PTPRG: variants seen among roughly 807,000 people sequenced by gnomAD.
The protein encoded by PTPRG is protein tyrosine phosphatase receptor type G.
Under a neutral mutation model 165.3 loss-of-function variants are expected in PTPRG, and 102 were observed. The ratio of observed to expected loss-of-function variants is 0.62; its 90% confidence interval spans 0.53 to 0.73. PTPRG has a LOEUF of 0.73. PTPRG is among the 30% of genes least tolerant of loss of function. The pLI, the probability that PTPRG is intolerant of heterozygous loss-of-function variation, is 0.00. For missense variants in PTPRG, 1,866 were observed against 1,861.4 expected, an observed-to-expected ratio of 1.00 and a Z score of -0.05; for synonymous variants, 675 against 669.5, an observed-to-expected ratio of 1.01 and a Z score of -0.13.
intron 2 of PTPRG, among the ~76,000 whole-genome samples, chr3:61,976,310 G>A (rs2040504201): frequency 6.6e-6 from 1 of 152,146 alleles, no homozygotes. Context: ...CAAAGGAGAT[G>A]GATTTATTAA....
chr3:61,646,597 A>G (rs530277469), intron 1 of PTPRG, among the ~76,000 whole-genome samples: 141 of 152,370 alleles, frequency 9.3e-4, no homozygotes, highest in African/African-American at 3.3e-3. Flanking sequence ...AACTGACATT[A>G]TCAATTCACA....
intron 5 of PTPRG, among the ~76,000 whole-genome samples, chr3:62,089,732 G>A (rs1453647149): frequency 6.6e-6 from 1 of 152,170 alleles, no homozygotes; most frequent in African/African-American, 2.4e-5. Flanking sequence ...TTGGCTCATT[G>A]TGTTCTCTGA....
intron 2 of PTPRG, among the ~76,000 whole-genome samples, chr3:61,752,785 C>CA (rs749817659): frequency 0.47 from 32,786 of 69,522 alleles, 7,649 homozygotes; most frequent in Non-Finnish European, 0.53. Context: ...AAGACTGTCT[C>CA]AAAAAAAAAA....
At chr3:61,863,884 G>C (rs621198) in intron 2 of PTPRG, among the ~76,000 whole-genome samples, 63,625 of 152,046 alleles carry the variant, frequency 0.42, 14,162 homozygotes, top group East Asian at 0.61. Flanking sequence ...TAGTATGAAC[G>C]TCAGTGTTGT....
At chr3:61,978,135 A>C (rs1028846494) in intron 2 of PTPRG, among the ~76,000 whole-genome samples, 1 of 152,194 alleles carries the variant, frequency 6.6e-6, no homozygotes, top group Non-Finnish European at 1.5e-5. Context: ...TACAAGTGTA[A>C]GCCACCATGC....
chr3:62,104,040 A>G (rs1702387768), intron 5 of PTPRG, among the ~76,000 whole-genome samples: 1 of 152,196 alleles, frequency 6.6e-6, no homozygotes, highest in South Asian at 2.1e-4. Flanking sequence ...CTCAGGGTCT[A>G]GAGTATTAGG....
At chr3:62,068,197 G>A (rs764634394) in intron 4 of PTPRG, among the ~76,000 whole-genome samples, 2 of 152,300 alleles carry the variant, frequency 1.3e-5, no homozygotes, top group Non-Finnish European at 2.9e-5. Context: ...ATTAATTGAT[G>A]TAAAACGTTC....
In PTPRG at chr3:61,795,766, T is replaced by A. The variant is rs565400261; in HGVS notation, c.190+46784T>A. Among the ~76,000 whole-genome samples the A allele has an allele frequency of 1.3e-4, 20 of 152,256 alleles. 2 individuals carry two copies. The South Asian group carries it at 4.1e-3, about 32-fold the overall frequency. ...CTTAGTATATACCGGCTATTTTTAT[T>A]ATTTTTAAGGCTATTGATTACTAGT... On this transcript the variant is annotated intron_variant, in intron 2 of 29. Transcript: ENST00000474889.
intron 17 of PTPRG, 168 bp downstream of exon 17, chr3:62,263,062 T>C: frequency 1.8e-6 from 1 of 565,938 alleles, no homozygotes; most frequent in Non-Finnish European, 3.1e-6. Flanking sequence ...GGACATTTTC[T>C]TCCCCCTTAG....
intron 2 of PTPRG, among the ~76,000 whole-genome samples, chr3:61,760,756 C>T (rs543110924): frequency 1.1e-4 from 17 of 152,204 alleles, no homozygotes; most frequent in South Asian, 4.1e-4. Flanking sequence ...TGCTCTCCCT[C>T]GCCCCTCCCT....
intron 2 of PTPRG, among the ~76,000 whole-genome samples, chr3:61,896,878 A>C (rs1251420199): frequency 5.3e-5 from 8 of 151,112 alleles, no homozygotes; most frequent in Admixed American, 5.3e-4. Context: ...TTGGTGAACT[A>C]TTCGTGTCTT....
chr3:61,712,994 C>A (rs1182251284), intron 1 of PTPRG, among the ~76,000 whole-genome samples: 1 of 152,050 alleles, frequency 6.6e-6, no homozygotes, highest in Non-Finnish European at 1.5e-5. Context: ...TAGTAACATA[C>A]CAACTTCAGG....
At chr3:62,131,788 C>T (rs796327182) in intron 5 of PTPRG, among the ~76,000 whole-genome samples, 8 of 152,270 alleles carry the variant, frequency 5.3e-5, no homozygotes, top group African/African-American at 1.9e-4. Flanking sequence ...GGCATGTATA[C>T]CCCGCTCACT....
At chr3:61,892,407 G>T (rs751324565) in intron 2 of PTPRG, among the ~76,000 whole-genome samples, 1 of 152,162 alleles carries the variant, frequency 6.6e-6, no homozygotes, top group Non-Finnish European at 1.5e-5. Context: ...TAGGGATAGG[G>T]TCTTGCTTTG....
At chr3:61,836,432 G>C (rs145376045) in intron 2 of PTPRG, among the ~76,000 whole-genome samples, 73 of 152,232 alleles carry the variant, frequency 4.8e-4, no homozygotes, top group African/African-American at 1.4e-3. Context: ...GGTAGGCTCA[G>C]TTCCAAACAA....
intron 1 of PTPRG, among the ~76,000 whole-genome samples, chr3:61,650,589 T>C (rs966447612): frequency 6.6e-6 from 1 of 152,148 alleles, no homozygotes; most frequent in African/African-American, 2.4e-5. Flanking sequence ...AGAAAGAAGT[T>C]TTGTGTTTGA....
chr3:61,829,120 G>A (rs1435455276), intron 2 of PTPRG, among the ~76,000 whole-genome samples: 2 of 152,154 alleles, frequency 1.3e-5, no homozygotes, highest in Non-Finnish European at 1.5e-5. Context: ...ACTTGGCATG[G>A]GATATGAAGG....
At chr3:61,671,098 T>C (rs1466284134) in intron 1 of PTPRG, among the ~76,000 whole-genome samples, 2 of 151,926 alleles carry the variant, frequency 1.3e-5, no homozygotes, top group Non-Finnish European at 2.9e-5. Context: ...GATTATTTTG[T>C]TTGAGGTCTT....
chr3:62,203,315 T>C lies in PTPRG; in HGVS notation c.1520T>C (p.Val507Ala). ...GPSSSGSQATVASVVTSTLLA... is the reference protein window; with the variant it reads ...GPSSSGSQATAASVVTSTLLA... ...TCCTCCAGTGGCAGCCAGGCCACAGTGGCCTCGGTGGTCACCAGCACGCTG... is the reference window on the plus strand; with the variant it reads ...TCCTCCAGTGGCAGCCAGGCCACAGCGGCCTCGGTGGTCACCAGCACGCTG... Residue 507 changes from valine to alanine, a missense_variant, in exon 12 of 30, where the codon GTG (valine) becomes GCG (alanine). Physicochemically the swap from Val to Ala is moderately conservative, Grantham distance 64. Around this residue, in one of 3 missense-constraint regions of PTPRG, gnomAD observed 1,452 missense variants for 1,463.0 expected, o/e 0.99. Transcript: ENST00000474889. This position sits in a 1 kb window ranked among gnomAD's most constrained non-coding sequence, Gnocchi z 6.4. 1 of 1,613,986 alleles carries C rather than the reference T, an allele frequency of 6.2e-7. No homozygotes were observed.
Sources: gnomAD v4.1 joint callset for allele counts (sites outside exome capture counted in the v4.1 genomes callset) on GRCh38, gnomAD v4.1.1 for gene constraint, gnomAD v4.1.1 regional missense constraint, Gnocchi (gnomAD v3.1) non-coding constraint, MANE v1.5 for transcripts, NCBI Gene and HGNC (gene_info 2026-07-23, HGNC 2026-07-21) for gene names.